The following FBN1 variants were observed in gnomAD, a reference collection of about 807,000 sequenced individuals.
The protein encoded by FBN1 is fibrillin-1.
FBN1 carries 29 observed loss-of-function variants against 365.1 expected under a neutral mutation model. The ratio of observed to expected loss-of-function variants is 0.08; its 90% CI spans 0.06 to 0.11. The LOEUF (loss-of-function observed/expected upper bound fraction) is 0.11. Among genes scored for constraint, FBN1 ranks in the 10% least tolerant of loss-of-function variants. FBN1 has a pLI of 1.00. For missense variants in FBN1, 2,476 were observed against 3,703.2 expected, an observed-to-expected ratio of 0.67 and a Z score of 8.60; for synonymous variants, 1,210 against 1,270.5, an observed-to-expected ratio of 0.95 and a Z score of 1.01.
At chr15:48,538,784 A>G (rs79495960) in intron 6 of FBN1, among the ~76,000 whole-genome samples, 2,539 of 152,174 alleles carry the variant, frequency 0.017, 60 homozygotes, top group African/African-American at 0.059. Flanking sequence ...TCCACAAACC[A>G]ACATTTGCAT....
rs567335841 is a variant in FBN1 at position 48,440,116 on chromosome 15, T to C, written c.6163+1605A>G. Among the ~76,000 whole-genome samples the C allele has an allele frequency of 1.8e-4, 28 of 152,312 alleles. No individual in the cohort carries two copies. The East Asian group carries it at 4.6e-3, about 25-fold the overall frequency. On this transcript the variant is annotated intron_variant, in intron 50 of 65. Coordinates refer to ENST00000316623, the MANE Select transcript of FBN1 (RefSeq NM_000138.5). ...GCTTATTAATCAAGGGTGTCTTGCA[T>C]TGGGGAAGAGAGCTGTGCTTGCCCA...
chr15:48,613,155 A>C, intron 2 of FBN1, 63 bp from the exon 3 acceptor site: 2 of 1,285,436 alleles, frequency 1.6e-6, no homozygotes, highest in Non-Finnish European at 2.3e-6. Context: ...AGATGGCCAA[A>C]TAAAAGGAAA....
intron 8 of FBN1, among the ~76,000 whole-genome samples, 172 bp from the exon 9 acceptor site, chr15:48,526,427 T>C (rs1248186537): frequency 6.6e-6 from 1 of 152,216 alleles, no homozygotes; most frequent in Non-Finnish European, 1.5e-5. Flanking sequence ...GCTGCTTCTT[T>C]CAACACAGAC....
rs752581747 is a variant in FBN1 at position 48,644,776 on chromosome 15, G to A, written c.-7C>T. Reference sequence around the variant, plus strand: ...GCAGACGCCCTCGACGCATGATGCCGAGCCGCCACCGGCTCCCGCCGCCTC... The same window carrying A: ...GCAGACGCCCTCGACGCATGATGCCAAGCCGCCACCGGCTCCCGCCGCCTC... On this transcript the variant is annotated 5_prime_UTR_variant, in exon 2 of 66. Transcript: ENST00000316623. The A allele has an allele frequency of 1.0e-5, 16 of 1,605,076 alleles. No individual in the cohort carries two copies. The highest frequency in any genetic ancestry group is 1.3e-5 in the Non-Finnish European group (15 of 1,179,066).
In FBN1 at chr15:48,409,455, C is replaced by T. The variant is rs1216391147; in HGVS notation, c.*1535G>A. 1 of 152,176 alleles carries T rather than the reference C, an allele frequency of 6.6e-6. No homozygotes were observed. Among genetic ancestry groups the T allele is most frequent in the Non-Finnish European group, 1.5e-5 (1 of 68,044 alleles). 9.4% of individuals were successfully genotyped at this position (152,176 alleles called of 1,614,324 possible). On this transcript the variant is annotated 3_prime_UTR_variant, in exon 66 of 66. Coordinates refer to ENST00000316623, the MANE Select transcript of FBN1 (RefSeq NM_000138.5). ...TCTTATTTCCTCTTATTTTCACTACCACGAAATGCTTTCCTGCCCTTAGGG... is the reference window on the plus strand; with the variant it reads ...TCTTATTTCCTCTTATTTTCACTACTACGAAATGCTTTCCTGCCCTTAGGG...
Position 48,463,952 on chromosome 15 carries a change from G to A in FBN1, c.5012C>T (p.Thr1671Ile). 6.2e-7 allele frequency: 1 copy of A among 1,613,770 alleles called. No individual in the cohort carries two copies. Among genetic ancestry groups the A allele is most frequent in the Non-Finnish European group, 8.5e-7 (1 of 1,179,712 alleles). Residue 1671 changes from threonine (T) to isoleucine (I), a missense_variant, in exon 41 of 66, where the codon ACC becomes ATC. Thr to Ile is a moderately conservative substitution (Grantham distance 89, BLOSUM62 -1). Around this residue, in one of 5 missense-constraint regions of FBN1, gnomAD observed 1,780 missense variants for 2,840.8 expected, o/e 0.63. Transcript: ENST00000316623. ...CATGTAGTCTGGAGGACAGATACAG[G>A]TGTAGTTGCCAACGGTGTTGTAACA... ...GTCYNTVGNYTCICPPDYMQV... is the reference protein window; with the variant it reads ...GTCYNTVGNYICICPPDYMQV...
At chr15:48,513,752 T>C (rs2043779916) in intron 12 of FBN1, 84 bp from the exon 13 acceptor site, 1 of 1,468,638 alleles carries the variant, frequency 6.8e-7, no homozygotes, top group Non-Finnish European at 9.4e-7. Context: ...TTTATACATA[T>C]AAAACATTTT....
chr15:48,497,186 C>T (rs1436807614), intron 19 of FBN1, 80 bp downstream of exon 19: 1 of 1,567,500 alleles, frequency 6.4e-7, no homozygotes, highest in Admixed American at 1.7e-5. Context: ...CTAAGCTACT[C>T]AAAGGCAGTT....
chr15:48,527,392 A>T (rs540715455), intron 8 of FBN1, among the ~76,000 whole-genome samples: 136 of 152,358 alleles, frequency 8.9e-4, no homozygotes, highest in African/African-American at 3.2e-3. Context: ...CTTCCTTCTT[A>T]GGCTAGAAGT....
chr15:48,539,366 T>C (rs1190663254), intron 6 of FBN1, among the ~76,000 whole-genome samples: 1 of 152,130 alleles, frequency 6.6e-6, no homozygotes, highest in African/African-American at 2.4e-5. Flanking sequence ...ATATCCAAGC[T>C]ATGGCAGCAC....
intron 49 of FBN1, among the ~76,000 whole-genome samples, chr15:48,444,202 G>A (rs1327927011): frequency 6.6e-6 from 1 of 152,160 alleles, no homozygotes; most frequent in African/African-American, 2.4e-5. Context: ...GGAATCAGGA[G>A]CTATTTTTAG....
intron 32 of FBN1, among the ~76,000 whole-genome samples, chr15:48,480,393 A>G (rs1480988998): frequency 3.3e-5 from 5 of 152,162 alleles, no homozygotes; most frequent in African/African-American, 1.2e-4. Flanking sequence ...ATAGACATAC[A>G]AAGCTAGGCA....
chr15:48,452,645 T>C lies in FBN1; in HGVS notation c.5462A>G (p.Asn1821Ser). ...GCCTGCAGTGTTGATGCATTCGGCG[T>C]TGCGCTGGCACACTGGGCCGTTCTG... ...ECQNGPVCQR[N>S]AECINTAGSY... The change falls in exon 45 of 66, where the codon AAC becomes AGC. Residue 1821 changes from asparagine (N) to serine (S), a missense_variant. Asn to Ser is a conservative substitution (Grantham distance 46). Around this residue, in one of 5 missense-constraint regions of FBN1, gnomAD observed 1,780 missense variants for 2,840.8 expected, o/e 0.63. Transcript: ENST00000316623. 6.2e-7 allele frequency: 1 copy of C among 1,614,210 alleles called. No homozygotes were observed. Among genetic ancestry groups the C allele is most frequent in the Non-Finnish European group, 8.5e-7 (1 of 1,180,014 alleles).
At chr15:48,446,264 A>C (rs1254022042) in intron 47 of FBN1, among the ~76,000 whole-genome samples, 1 of 152,170 alleles carries the variant, frequency 6.6e-6, no homozygotes, top group African/African-American at 2.4e-5. Flanking sequence ...AAAATAGGTG[A>C]GTATAGTACA....
chr15:48,475,238 C>T (rs1459227351), intron 32 of FBN1, among the ~76,000 whole-genome samples: 1 of 152,128 alleles, frequency 6.6e-6, no homozygotes, highest in Non-Finnish European at 1.5e-5. Context: ...AGTATATAAG[C>T]CATCTTTTCC....
intron 6 of FBN1, among the ~76,000 whole-genome samples, chr15:48,550,524 C>A (rs927719499): frequency 6.6e-6 from 1 of 152,036 alleles, no homozygotes; most frequent in African/African-American, 2.4e-5. Flanking sequence ...TTAGTGTAGA[C>A]CCTCATTTCC....
chr15:48,522,973 T>C lies in FBN1; in HGVS notation c.989-2156A>G, dbSNP rs1021819658. On this transcript the variant is annotated intron_variant, in intron 9 of 65. Coordinates refer to ENST00000316623, the MANE Select transcript of FBN1 (RefSeq NM_000138.5). ...AGGATAAACGGCTGGAGAGGGAGTA[T>C]AGACAAGTATGCTCTCTGTGAAGCC... is the stretch of plus-strand genomic sequence containing the variant. Among the ~76,000 whole-genome samples the C allele has an allele frequency of 1.6e-4, 24 of 152,300 alleles. No homozygotes were observed. In the South Asian group the frequency reaches 2.1e-3, roughly 13 times the overall value.
chr15:48,611,755 C>A (rs1454624233), intron 3 of FBN1, among the ~76,000 whole-genome samples: 1 of 152,148 alleles, frequency 6.6e-6, no homozygotes, highest in Admixed American at 6.6e-5. Context: ...CTAGTGGTCA[C>A]AACAGTAAGT....
chr15:48,645,464 AC>A, intron 1 of FBN1, 110 bp downstream of exon 1: 1 of 151,842 alleles, frequency 6.6e-6, no homozygotes, highest in East Asian at 2.0e-4. Context: ...ACAGCCCCTC[AC>A]CCCAGTCCCT....
Sources: gnomAD v4.1 joint callset for allele counts (sites outside exome capture counted in the v4.1 genomes callset) on GRCh38, gnomAD v4.1.1 for gene constraint, gnomAD v4.1.1 regional missense constraint, MANE v1.5 for transcripts, NCBI Gene and HGNC (gene_info 2026-07-23, HGNC 2026-07-21) for gene names.